The following PRKN variants were observed in gnomAD, a reference collection of about 807,000 sequenced individuals.
PRKN encodes the protein parkin RBR E3 ubiquitin protein ligase.
PRKN carries 56 observed loss-of-function variants against 59.5 expected under a neutral mutation model. The ratio of observed to expected loss-of-function variants is 0.94; its 90% CI spans 0.76 to 1.18. The LOEUF (loss-of-function observed/expected upper bound fraction) is 1.18, where lower values mean the gene tolerates loss of function less well. Among genes scored for constraint, PRKN ranks in the 50% most tolerant of loss-of-function variants. PRKN has a pLI of 0.00. For synonymous variants in PRKN, 250 were observed against 222.1 expected (o/e 1.13, Z -1.12); for missense variants, 657 against 596.4 (o/e 1.10, Z -1.06).
intron 2 of PRKN, among the ~76,000 whole-genome samples, chr6:162,384,456 G>C (rs1256074566): frequency 6.6e-6 from 1 of 152,040 alleles, no homozygotes; most frequent in East Asian, 1.9e-4. Flanking sequence ...TTGTAAGGGA[G>C]CAGTTCATCG....
At chr6:162,681,058 C>A (rs1779750747) in intron 1 of PRKN, among the ~76,000 whole-genome samples, 1 of 139,910 alleles carries the variant, frequency 7.1e-6, no homozygotes, top group African/African-American at 2.5e-5. Context: ...TTTGGCCTCT[C>A]ACTTTCACAC....
intron 5 of PRKN, among the ~76,000 whole-genome samples, chr6:162,027,679 C>A (rs759883718): frequency 5.9e-5 from 9 of 152,076 alleles, no homozygotes; most frequent in Non-Finnish European, 1.0e-4. Flanking sequence ...AGTGATTATA[C>A]TCTGCAATGT....
In PRKN at chr6:162,705,153, T is replaced by A. The variant is rs144431392; in HGVS notation, c.7+22509A>T. ...TTTCCAATATCTATGATGGAAACCCTTCACACCTGCCTGATGTGTCAGACA... is the reference window on the plus strand; with the variant it reads ...TTTCCAATATCTATGATGGAAACCCATCACACCTGCCTGATGTGTCAGACA... On this transcript the variant is annotated intron_variant, in intron 1 of 11. Transcript: ENST00000366898. 2.6e-5 allele frequency among the ~76,000 whole-genome samples: 4 copies of A among 152,294 alleles called. No homozygotes were observed. In the East Asian group the frequency reaches 7.7e-4, roughly 29 times the overall value.
At chr6:161,762,159 G>A (rs747117318) in intron 7 of PRKN, among the ~76,000 whole-genome samples, 10 of 152,194 alleles carry the variant, frequency 6.6e-5, no homozygotes, top group Non-Finnish European at 1.2e-4. Context: ...CTAGGCTGAT[G>A]TGAGGCAACA....
At chr6:162,060,734 A>G (rs1367910698) in intron 4 of PRKN, among the ~76,000 whole-genome samples, 2 of 152,250 alleles carry the variant, frequency 1.3e-5, no homozygotes, top group Non-Finnish European at 2.9e-5. Flanking sequence ...ATGTGAGTAT[A>G]TGCATTGATG....
Position 161,458,939 on chromosome 6 carries a change from T to G in PRKN, c.1084-72062A>C, listed in dbSNP as rs1224309455. On this transcript the variant is annotated intron_variant, in intron 9 of 11. Transcript: ENST00000366898. The surrounding 1 kb of genome is among the most constrained non-coding windows in gnomAD (Gnocchi z 6.1). ...TTTTTTTTTTTCTTTTTAAAGTGCA[T>G]ATCTTTATTTGGACAGCCTCAAATC... Among the ~76,000 whole-genome samples, 1 of 152,018 alleles carries G rather than the reference T, an allele frequency of 6.6e-6. No individual in the cohort carries two copies. Among genetic ancestry groups the G allele is most frequent in the Non-Finnish European group, 1.5e-5 (1 of 67,996 alleles).
At chr6:161,934,067 C>T (rs555382604) in intron 6 of PRKN, among the ~76,000 whole-genome samples, 10 of 152,292 alleles carry the variant, frequency 6.6e-5, no homozygotes, top group East Asian at 5.8e-4. Context: ...CCCCAGGTAA[C>T]GAGAGAGACC....
intron 2 of PRKN, among the ~76,000 whole-genome samples, chr6:162,389,251 G>A (rs1377797723): frequency 1.3e-5 from 2 of 152,120 alleles, no homozygotes; most frequent in Non-Finnish European, 2.9e-5. Flanking sequence ...GGCAGTTGGA[G>A]CACAGCTTAA....
intron 6 of PRKN, among the ~76,000 whole-genome samples, chr6:161,961,108 T>C (rs892627906): frequency 6.6e-6 from 1 of 152,216 alleles, no homozygotes; most frequent in Admixed American, 6.5e-5. Flanking sequence ...GTGGAATATA[T>C]ACTGATGTCA....
chr6:161,911,022 A>AC (rs1778340997), intron 6 of PRKN, among the ~76,000 whole-genome samples: 1 of 152,338 alleles, frequency 6.6e-6, no homozygotes, highest in South Asian at 2.1e-4. Flanking sequence ...GACTTGCTTT[A>AC]CTGTGATGTT....
At chr6:162,085,750 C>T (rs532843284) in intron 4 of PRKN, among the ~76,000 whole-genome samples, 20 of 152,078 alleles carry the variant, frequency 1.3e-4, no homozygotes, top group Non-Finnish European at 1.3e-4. Context: ...GCTCAATCAG[C>T]GCTGGCAGGT....
intron 5 of PRKN, among the ~76,000 whole-genome samples, chr6:162,000,697 T>C (rs1303348543): frequency 7.2e-5 from 11 of 152,070 alleles, no homozygotes; most frequent in Non-Finnish European, 1.6e-4. Flanking sequence ...GATTATGCAC[T>C]TGGTATCGTA....
At chr6:161,905,659 T>TA (rs527510053) in intron 6 of PRKN, among the ~76,000 whole-genome samples, 87 of 151,238 alleles carry the variant, frequency 5.8e-4, no homozygotes, top group Middle Eastern at 6.8e-3. Flanking sequence ...TATATATATA[T>TA]TTTTTTAAAG....
At chr6:162,048,773 A>T (rs866714499) in intron 5 of PRKN, among the ~76,000 whole-genome samples, 2 of 151,944 alleles carry the variant, frequency 1.3e-5, no homozygotes, top group African/African-American at 4.8e-5. Context: ...GTGTTGGGCC[A>T]CATTCAAAGC....
At position 161,550,233 on chromosome 6, in the gene PRKN, G is replaced by A. The variant is rs1722193804; in HGVS notation, c.934-1230C>T. Among the ~76,000 whole-genome samples, 2 of 152,200 alleles carry A rather than the reference G, an allele frequency of 1.3e-5. No individual in the cohort carries two copies. Among genetic ancestry groups the A allele is most frequent in the Non-Finnish European group, 2.9e-5 (2 of 68,030 alleles). Reference sequence around the variant, plus strand: ...GAGAGAACAAGGAGGGAAAAAAACAGAAGGTGAAGTTGGAGAGTTTGTGAG... The same window carrying A: ...GAGAGAACAAGGAGGGAAAAAAACAAAAGGTGAAGTTGGAGAGTTTGTGAG... On this transcript the variant is annotated intron_variant, in intron 8 of 11. Coordinates refer to ENST00000366898, the MANE Select transcript of PRKN (RefSeq NM_004562.3). The surrounding 1 kb of genome is among the most constrained non-coding windows in gnomAD (Gnocchi z 4.0).
chr6:161,700,065 T>G (rs1432198594), intron 7 of PRKN, among the ~76,000 whole-genome samples: 1 of 151,958 alleles, frequency 6.6e-6, no homozygotes, highest in African/African-American at 2.4e-5. Flanking sequence ...TTATAAGCCC[T>G]TTAATCACTG....
intron 1 of PRKN, among the ~76,000 whole-genome samples, chr6:162,474,303 T>C (rs530599623): frequency 3.0e-4 from 45 of 152,328 alleles, no homozygotes; most frequent in African/African-American, 1.1e-3. Flanking sequence ...TTCTAGAATC[T>C]GTCAGGAAGA....
Position 161,698,274 on chromosome 6 carries a change from T to C in PRKN, c.871+87498A>G, listed in dbSNP as rs184057804. On this transcript the variant is annotated intron_variant, in intron 7 of 11. Transcript: ENST00000366898. ...GAAGGATATAGTAGGATAATGGGCCTTACAGATCAACAAATTGGAGAATTT... is the reference window on the plus strand; with the variant it reads ...GAAGGATATAGTAGGATAATGGGCCCTACAGATCAACAAATTGGAGAATTT... 2.7e-3 allele frequency among the ~76,000 whole-genome samples: 406 copies of C among 152,178 alleles called. 2 individuals are homozygous for C. The highest frequency in any genetic ancestry group is 8.5e-3 in the African/African-American group (354 of 41,542).
chr6:162,303,116 T>C (rs963732252), intron 2 of PRKN, among the ~76,000 whole-genome samples: 2 of 147,226 alleles, frequency 1.4e-5, no homozygotes, highest in East Asian at 1.9e-4. Flanking sequence ...TACTATTTGT[T>C]CTGCTATGGT....
Sources: allele counts gnomAD v4.1 joint callset (sites outside exome capture counted in the v4.1 genomes callset), GRCh38; gene constraint gnomAD v4.1.1; non-coding constraint Gnocchi (gnomAD v3.1); transcripts MANE v1.5; gene names NCBI Gene and HGNC (gene_info 2026-07-23, HGNC 2026-07-21).